The following VPS54 variants were observed in gnomAD, a reference collection of about 807,000 sequenced individuals.
The protein encoded by VPS54 is vacuolar protein sorting-associated protein 54.
VPS54 carries 45 observed loss-of-function variants against 121.5 expected under a neutral mutation model. That is an observed-to-expected ratio of 0.37 (90% CI 0.29 to 0.47). The LOEUF (loss-of-function observed/expected upper bound fraction) is 0.47. Ranked by LOEUF, VPS54 falls within the 20% of genes least tolerant of loss-of-function variation. The pLI is 0.99. For missense variants in VPS54, 1,090 were observed against 1,131.4 expected, an observed-to-expected ratio of 0.96 and a Z score of 0.52; for synonymous variants, 371 against 385.8, an observed-to-expected ratio of 0.96 and a Z score of 0.45.
intron 3 of VPS54, among the ~76,000 whole-genome samples, chr2:63,979,169 T>A (rs1441250542): frequency 1.3e-5 from 2 of 152,096 alleles, no homozygotes; most frequent in Non-Finnish European, 2.9e-5. Context: ...AGAATCAGCT[T>A]TTTGTTTCAC....
chr2:63,989,466 CTTTAT>C (rs1248778711), intron 1 of VPS54, among the ~76,000 whole-genome samples: 1 of 152,164 alleles, frequency 6.6e-6, no homozygotes, highest in Non-Finnish European at 1.5e-5. Context: ...TACTCTTTCC[CTTTAT>C]TTCTCAGACT....
At chr2:63,931,592 T>A (rs1417060342) in intron 12 of VPS54, among the ~76,000 whole-genome samples, 1 of 152,186 alleles carries the variant, frequency 6.6e-6, no homozygotes, top group African/African-American at 2.4e-5. Flanking sequence ...GACATAGGCA[T>A]GGGCAAAGAC....
At chr2:63,936,600 C>T (rs1297282783) in intron 11 of VPS54, among the ~76,000 whole-genome samples, 1 of 152,078 alleles carries the variant, frequency 6.6e-6, no homozygotes. Flanking sequence ...GCTAAGAATT[C>T]CTTGAAAAGA....
intron 1 of VPS54, among the ~76,000 whole-genome samples, chr2:64,018,499 C>G (rs1678817102): frequency 6.6e-6 from 1 of 152,136 alleles, no homozygotes; most frequent in South Asian, 2.1e-4. Context: ...CTGAGTAACT[C>G]TTTGGGTTAG....
At chr2:64,000,959 CA>C (rs1677844700) in intron 1 of VPS54, among the ~76,000 whole-genome samples, 1 of 152,228 alleles carries the variant, frequency 6.6e-6, no homozygotes, top group African/African-American at 2.4e-5. Flanking sequence ...TCCTTCTCTT[CA>C]AGACAGCAAG....
intron 20 of VPS54, among the ~76,000 whole-genome samples, chr2:63,899,921 G>C (rs561422578): frequency 6.6e-6 from 1 of 152,170 alleles, no homozygotes; most frequent in Non-Finnish European, 1.5e-5. Context: ...CCAAAGGGCT[G>C]CTGTGAGGAT....
rs568520568 is a variant in VPS54 at position 63,947,639 on chromosome 2, AGCAATCTTATCAT to A, written c.1138-162_1138-150del. The A allele has an allele frequency of 9.1e-4, 604 of 663,194 alleles. 1 individual carries two copies. The highest frequency in any genetic ancestry group is 7.9e-3 in the Middle Eastern group (16 of 2,038). 41.1% of individuals were successfully genotyped at this position (663,194 alleles called of 1,614,324 possible). On this transcript the variant is annotated intron_variant, in intron 8 of 22. Transcript: ENST00000272322. ...CTAGCAGCCTGAAAACCCCTCCCAC[AGCAATCTTATCAT>A]GAGATTTTTGGAGTCAGTGCTGTAA...
At chr2:63,958,927 A>G (rs1265670196) in intron 7 of VPS54, among the ~76,000 whole-genome samples, 1 of 152,192 alleles carries the variant, frequency 6.6e-6, no homozygotes, top group Non-Finnish European at 1.5e-5. Flanking sequence ...TCTGATATAA[A>G]AAAGACAAAA....
At position 63,966,150 on chromosome 2, in the gene VPS54, G is replaced by C. The variant is rs140175618; in HGVS notation, c.493-184C>G. Among the ~76,000 whole-genome samples the C allele has an allele frequency of 4.1e-4, 63 of 152,196 alleles. 1 individual carries two copies. The East Asian group carries it at 0.011, about 26-fold the overall frequency. ...GAAAAATGTGTAAATTTCTCACCAA[G>C]CTTAAAATACTCATAAAAGATACAA... On this transcript the variant is annotated intron_variant, in intron 5 of 22. Transcript: ENST00000272322.
At chr2:63,948,963 T>A in intron 8 of VPS54, 74 bp downstream of exon 8, 2 of 1,554,146 alleles carry the variant, frequency 1.3e-6, no homozygotes, top group Non-Finnish European at 1.7e-6. Flanking sequence ...ATTCCTATAA[T>A]CTGAGAAAAA....
chr2:63,983,664 G>C (rs1575988846), intron 2 of VPS54, among the ~76,000 whole-genome samples, 200 bp downstream of exon 2: 1 of 144,030 alleles, frequency 6.9e-6, no homozygotes, highest in East Asian at 2.1e-4. Flanking sequence ...GGATGATCTC[G>C]ATCTCCTGAC....
chr2:63,937,067 A>G (rs1002088831), intron 11 of VPS54, among the ~76,000 whole-genome samples: 3 of 152,188 alleles, frequency 2.0e-5, no homozygotes, highest in Non-Finnish European at 2.9e-5. Flanking sequence ...ACAGGGAAAA[A>G]GCTTCAGGAC....
At chr2:63,955,766 C>A (rs1344465867) in intron 7 of VPS54, among the ~76,000 whole-genome samples, 1 of 151,994 alleles carries the variant, frequency 6.6e-6, no homozygotes, top group African/African-American at 2.4e-5. Context: ...ACAAGTTTCA[C>A]CTATTCATCC....
chr2:64,011,551 C>A (rs545308467), intron 1 of VPS54, among the ~76,000 whole-genome samples: 5 of 152,046 alleles, frequency 3.3e-5, no homozygotes, highest in African/African-American at 1.2e-4. Context: ...AGCAACAGAG[C>A]CAGACTCCAT....
chr2:63,924,895 A>G (rs1167086401), intron 12 of VPS54, among the ~76,000 whole-genome samples: 2 of 152,224 alleles, frequency 1.3e-5, no homozygotes, highest in Non-Finnish European at 2.9e-5. Flanking sequence ...CCCTCATACT[A>G]AACATAAAAA....
At chr2:63,966,561 C>T (rs549461363) in intron 5 of VPS54, among the ~76,000 whole-genome samples, 1 of 152,270 alleles carries the variant, frequency 6.6e-6, no homozygotes, top group South Asian at 2.1e-4. Flanking sequence ...AGTAGTTCAG[C>T]TCTTCAATAG....
chr2:63,927,599 C>T (rs1673968900), intron 12 of VPS54, among the ~76,000 whole-genome samples: 1 of 152,214 alleles, frequency 6.6e-6, no homozygotes, highest in African/African-American at 2.4e-5. Context: ...CAGAATACCT[C>T]TTCTCCTCCA....
At chr2:64,008,622 G>A (rs1678279468) in intron 1 of VPS54, among the ~76,000 whole-genome samples, 1 of 152,140 alleles carries the variant, frequency 6.6e-6, no homozygotes. Context: ...AAATAAGCAG[G>A]CTGACCTAGA....
At position 63,933,552 on chromosome 2, in the gene VPS54, A is replaced by C; in HGVS notation, c.1739+121T>G. ...TAGAGATACGTTTCATAAAATTAAT[A>C]TATTTTTGTTAAATTCTAAAATTTA... is the stretch of plus-strand genomic sequence containing the variant. On this transcript the variant is annotated intron_variant, in intron 12 of 22. Transcript: ENST00000272322. 3.6e-6 allele frequency: 3 copies of C among 840,726 alleles called. No individual in the cohort carries two copies. The South Asian group carries it at 6.3e-5, about 18-fold the overall frequency. 52.1% of individuals were successfully genotyped at this position (840,726 alleles called of 1,614,324 possible).
Sources: gnomAD v4.1 joint callset for allele counts (sites outside exome capture counted in the v4.1 genomes callset) on GRCh38, gnomAD v4.1.1 for gene constraint, MANE v1.5 for transcripts, NCBI Gene and HGNC (gene_info 2026-07-23, HGNC 2026-07-21) for gene names.